The following CSGALNACT1 variants were observed in gnomAD, a reference collection of about 807,000 sequenced individuals.
The protein encoded by CSGALNACT1 is chondroitin sulfate N-acetylgalactosaminyltransferase 1.
In CSGALNACT1, 52 loss-of-function variants were observed where a neutral mutation model predicts 51.0. The ratio of observed to expected loss-of-function variants is 1.02; its 90% CI spans 0.82 to 1.29. The LOEUF is 1.29. Among genes scored for constraint, CSGALNACT1 ranks in the 50% most tolerant of loss-of-function variants. CSGALNACT1 has a pLI of 0.00. For missense variants in CSGALNACT1, 935 were observed against 679.2 expected (o/e 1.38, Z -4.19); for synonymous variants, 341 against 254.4 (o/e 1.34, Z -3.24).
At chr8:19,634,739 C>A (rs2055786303) in intron 1 of CSGALNACT1, among the ~76,000 whole-genome samples, 1 of 152,248 alleles carries the variant, frequency 6.6e-6, no homozygotes, top group East Asian at 1.9e-4. Context: ...AGAAGGCAGT[C>A]ATCTACAAGC....
intron 8 of CSGALNACT1, among the ~76,000 whole-genome samples, chr8:19,414,809 C>A (rs1048819320): frequency 2.0e-5 from 3 of 152,274 alleles, no homozygotes; most frequent in African/African-American, 7.2e-5. Context: ...CTCCCTTCAC[C>A]TTTGATACTG....
intron 3 of CSGALNACT1, among the ~76,000 whole-genome samples, chr8:19,516,665 G>C (rs568122395): frequency 6.6e-6 from 1 of 152,076 alleles, no homozygotes; most frequent in Admixed American, 6.5e-5. Context: ...GAATATCTTC[G>C]CAACATTCAA....
At chr8:19,574,547 A>T (rs540990982) in intron 3 of CSGALNACT1, among the ~76,000 whole-genome samples, 1 of 152,316 alleles carries the variant, frequency 6.6e-6, no homozygotes, top group East Asian at 1.9e-4. Context: ...GGACAGTAAC[A>T]GGGCAGCCAC....
exon 10 of CSGALNACT1, chr8:19,405,078 C>A: frequency 2.2e-6 from 1 of 453,688 alleles, no homozygotes; most frequent in Non-Finnish European, 4.4e-6. Flanking sequence ...TGTAGGCCAA[C>A]TTGTGCTCTC....
chr8:19,652,116 T>C (rs921518143), intron 1 of CSGALNACT1, among the ~76,000 whole-genome samples: 1 of 152,012 alleles, frequency 6.6e-6, no homozygotes, highest in Non-Finnish European at 1.5e-5. Context: ...TTTATTTTTA[T>C]TTATTTTTTT....
chr8:19,635,121 C>T (rs574782624), intron 1 of CSGALNACT1, among the ~76,000 whole-genome samples: 1 of 152,300 alleles, frequency 6.6e-6, no homozygotes, highest in East Asian at 1.9e-4. Flanking sequence ...GATCTGTTTA[C>T]CTCCTCCTTC....
At chr8:19,584,837 T>C (rs1042714486) in intron 3 of CSGALNACT1, among the ~76,000 whole-genome samples, 7 of 152,166 alleles carry the variant, frequency 4.6e-5, no homozygotes, top group African/African-American at 1.7e-4. Context: ...ATTAAGGGCT[T>C]GTCATCCAGA....
chr8:19,660,183 ATTC>A (rs913533896), intron 1 of CSGALNACT1, among the ~76,000 whole-genome samples: 72 of 152,332 alleles, frequency 4.7e-4, no homozygotes, highest in African/African-American at 1.6e-3. Context: ...GATACAGGGC[ATTC>A]TATATTATTC....
chr8:19,637,773 C>G (rs1167442788), intron 1 of CSGALNACT1, among the ~76,000 whole-genome samples: 1 of 151,052 alleles, frequency 6.6e-6, no homozygotes, highest in Non-Finnish European at 1.5e-5. Flanking sequence ...TCGTAACTGA[C>G]AAGGGAAATT....
intron 1 of CSGALNACT1, among the ~76,000 whole-genome samples, chr8:19,623,283 G>A (rs1242785103): frequency 6.6e-6 from 1 of 152,102 alleles, no homozygotes; most frequent in Non-Finnish European, 1.5e-5. Flanking sequence ...TGAATTAAAG[G>A]GAGAAGTAAT....
At chr8:19,503,689 C>G (rs1035550281) in intron 4 of CSGALNACT1, among the ~76,000 whole-genome samples, 2 of 151,696 alleles carry the variant, frequency 1.3e-5, no homozygotes, top group Middle Eastern at 3.2e-3. Context: ...TATCATGATT[C>G]TAATTTTGAA....
At chr8:19,744,028 T>C (rs2070372536) in intron 1 of CSGALNACT1, among the ~76,000 whole-genome samples, 1 of 152,210 alleles carries the variant, frequency 6.6e-6, no homozygotes, top group South Asian at 2.1e-4. Context: ...TTATTCTGAA[T>C]GGTAATGCCA....
intron 1 of CSGALNACT1, among the ~76,000 whole-genome samples, chr8:19,664,413 G>A (rs1049802593): frequency 1.3e-5 from 2 of 152,186 alleles, no homozygotes; most frequent in African/African-American, 4.8e-5. Context: ...CAGCCTTCAA[G>A]GAAGACAGTA....
chr8:19,555,253 A>C (rs1056727927), intron 3 of CSGALNACT1, among the ~76,000 whole-genome samples: 7 of 152,162 alleles, frequency 4.6e-5, no homozygotes, highest in African/African-American at 1.4e-4. Flanking sequence ...AAATTAAAAA[A>C]AAGAAAAGAA....
At chr8:19,405,079 T>A (rs1483394379) in exon 10 of CSGALNACT1, 2 of 453,748 alleles carry the variant, frequency 4.4e-6, no homozygotes, top group Non-Finnish European at 4.4e-6. Context: ...GTAGGCCAAC[T>A]TGTGCTCTCT....
At chr8:19,633,959 G>T (rs1159352595) in intron 1 of CSGALNACT1, among the ~76,000 whole-genome samples, 2 of 152,066 alleles carry the variant, frequency 1.3e-5, no homozygotes, top group Non-Finnish European at 2.9e-5. Flanking sequence ...CCAACCGAGG[G>T]TTCGTGCCTT....
upstream of CSGALNACT1, among the ~76,000 whole-genome samples, chr8:19,684,639 T>C (rs1031449537): frequency 6.6e-6 from 1 of 152,038 alleles, no homozygotes; most frequent in Non-Finnish European, 1.5e-5. Flanking sequence ...CCACTCCTCC[T>C]GGGAGGCCAA....
intron 8 of CSGALNACT1, among the ~76,000 whole-genome samples, chr8:19,410,301 T>C (rs2055374009): frequency 6.6e-6 from 1 of 152,214 alleles, no homozygotes. Flanking sequence ...TAGTATCAAC[T>C]GGAAAGATTT....
intron 4 of CSGALNACT1, among the ~76,000 whole-genome samples, chr8:19,488,989 A>G (rs1293583232): frequency 5.3e-5 from 8 of 152,206 alleles, no homozygotes; most frequent in Admixed American, 6.5e-5. Context: ...TTATGCGCAA[A>G]TAAGTCCAAG....
Sources: allele counts gnomAD v4.1 joint callset (sites outside exome capture counted in the v4.1 genomes callset), GRCh38; gene constraint gnomAD v4.1.1; transcripts MANE v1.5; gene names NCBI Gene and HGNC (gene_info 2026-07-23, HGNC 2026-07-21).